Variants in PEX26 observed in about 807,000 individuals in gnomAD.
PEX26 encodes peroxisomal biogenesis factor 26, also known as peroxisome assembly protein 26.
In PEX26, 18 loss-of-function variants were observed where a neutral mutation model predicts 31.4. The ratio of observed to expected loss-of-function variants is 0.57; its 90% CI spans 0.40 to 0.85. PEX26 has a LOEUF of 0.85. Among genes scored for constraint, PEX26 ranks in the 40% least tolerant of loss-of-function variants. PEX26 has a pLI of 0.00. For synonymous variants in PEX26, 176 were observed against 166.9 expected, an observed-to-expected ratio of 1.05 and a Z score of -0.42; for missense variants, 377 against 383.9, an observed-to-expected ratio of 0.98 and a Z score of 0.15.
chr22:18,078,629 A>G, intron 1 of PEX26, 23 bp downstream of exon 1: 1 of 1,585,126 alleles, frequency 6.3e-7, no homozygotes. Flanking sequence ...CTCGGAAATG[A>G]ACCGATTTCC....
At chr22:18,085,082 C>G in intron 3 of PEX26, 30 bp from the exon 4 acceptor site, 1 of 1,613,250 alleles carries the variant, frequency 6.2e-7, no homozygotes. Flanking sequence ...CCATGACATC[C>G]CTGAAGCTGT....
At position 18,079,868 on chromosome 22, in the gene PEX26, T is replaced by C; in HGVS notation, c.231-6T>C. 6.2e-7 allele frequency: 1 copy of C among 1,614,114 alleles called. No individual in the cohort carries two copies. Among genetic ancestry groups the C allele is most frequent in the Non-Finnish European group, 8.5e-7 (1 of 1,180,022 alleles). On this transcript the variant is annotated splice_polypyrimidine_tract_variant and splice_region_variant and intron_variant, in intron 1 of 4. Transcript: ENST00000399744. Reference sequence around the variant, plus strand: ...TTCTAACTGAAATTGGTTTTTCTGCTGACAGCTCATTGGAGGTGAAGTGCT... The same window carrying C: ...TTCTAACTGAAATTGGTTTTTCTGCCGACAGCTCATTGGAGGTGAAGTGCT...
chr22:18,084,938 G>A (rs1237697039), intron 3 of PEX26, among the ~76,000 whole-genome samples, 174 bp from the exon 4 acceptor site: 1 of 151,890 alleles, frequency 6.6e-6, no homozygotes, highest in Admixed American at 6.6e-5. Flanking sequence ...AGCCAGGATG[G>A]TCTCGATCTC....
chr22:18,089,132 T>C lies in PEX26; in HGVS notation c.*1057T>C, dbSNP rs1264193725. ...AGCCCTTCCCTCCCGCCCTGCAAAC[T>C]TGTCCCTTGGCTGTTTCACCAGGTT... On this transcript the variant is annotated 3_prime_UTR_variant, in exon 5 of 5. Transcript: ENST00000399744. 2 of 151,356 alleles carry C rather than the reference T, an allele frequency of 1.3e-5. No individual in the cohort carries two copies. Among genetic ancestry groups the C allele is most frequent in the Non-Finnish European group, 2.9e-5 (2 of 67,938 alleles). 9.4% of individuals were successfully genotyped at this position (151,356 alleles called of 1,614,324 possible).
At chr22:18,083,975 C>T (rs1460205685) in intron 3 of PEX26, among the ~76,000 whole-genome samples, 1 of 152,194 alleles carries the variant, frequency 6.6e-6, no homozygotes. Flanking sequence ...CTTGACTTGT[C>T]TTTTGAAAGT....
rs1225556546 is a variant in PEX26, at chr22:18,093,568, A to AAAAAAAAAAAAAAAAAAAAAAAAAAAAC, written c.*5501_*5502insAAAAAAAAAAAAAAAAAAACAAAAAAAA. 4 of 151,232 alleles carry AAAAAAAAAAAAAAAAAAAAAAAAAAAAC rather than the reference A, an allele frequency of 2.6e-5. No individual in the cohort carries two copies. Among genetic ancestry groups the AAAAAAAAAAAAAAAAAAAAAAAAAAAAC allele is most frequent in the Non-Finnish European group, 5.9e-5 (4 of 67,906 alleles). 9.4% of individuals were successfully genotyped at this position (151,232 alleles called of 1,614,324 possible). On this transcript the variant is annotated 3_prime_UTR_variant, in exon 5 of 5. Transcript: ENST00000399744. ...ACAGAGCAAGACTCCGTCTTAAAAAAAAAAAAAACAAAAATAAACCTTTTA... is the reference window on the plus strand; with the variant it reads ...ACAGAGCAAGACTCCGTCTTAAAAAAAAAAAAAAAAAAAAAAAAAAAAAAAAACAAAAAAAACAAAAATAAACCTTTTA...
At chr22:18,078,638 C>A in intron 1 of PEX26, 32 bp downstream of exon 1, 1 of 1,577,002 alleles carries the variant, frequency 6.3e-7, no homozygotes, top group Non-Finnish European at 8.6e-7. Flanking sequence ...GAACCGATTT[C>A]CGGGCGCTCT....
In PEX26 at chr22:18,083,694, A is replaced by G. The variant is rs758495334; in HGVS notation, c.629A>G (p.His210Arg). ...GCGAGGCAGCAGCAGAAACAGGAAC[A>G]CTCAGGCTCTGAGGAGGCCCAGAAG... Reference protein sequence around the residue: ...HTARQQQKQEHSGSEEAQKPN... With the variant: ...HTARQQQKQERSGSEEAQKPN... Residue 210 changes from histidine to arginine, a missense_variant, in exon 3 of 5, where the codon CAC becomes CGC. Coordinates refer to ENST00000399744, the MANE Select transcript of PEX26 (RefSeq NM_001127649.3). 7 of 1,613,890 alleles carry G rather than the reference A, an allele frequency of 4.3e-6. No homozygotes were observed. Among genetic ancestry groups the G allele is most frequent in the Middle Eastern group, 1.7e-4 (1 of 6,008 alleles).
chr22:18,085,927 G>A (rs899569848), intron 4 of PEX26, among the ~76,000 whole-genome samples: 3 of 152,098 alleles, frequency 2.0e-5, no homozygotes, highest in African/African-American at 4.8e-5. Flanking sequence ...CTACAAAAGT[G>A]TTAATTCAAG....
At chr22:18,080,891 C>T (rs1301906326) in intron 2 of PEX26, among the ~76,000 whole-genome samples, 1 of 152,150 alleles carries the variant, frequency 6.6e-6, no homozygotes, top group East Asian at 1.9e-4. Context: ...TCCTATCCCA[C>T]CGTAACTTTG....
At position 18,103,402 on chromosome 22, in the gene PEX26, A is replaced by G. The variant is rs895466224; in HGVS notation, c.*15327A>G. ...GAGTTGATCACTACACATTCTATGCATGTAATGAAATGTCACATCTACTTC... is the reference window on the plus strand; with the variant it reads ...GAGTTGATCACTACACATTCTATGCGTGTAATGAAATGTCACATCTACTTC... On this transcript the variant is annotated 3_prime_UTR_variant, in exon 5 of 5. Transcript: ENST00000399744. 1 of 152,210 alleles carries G rather than the reference A, an allele frequency of 6.6e-6. No individual in the cohort carries two copies. The highest frequency in any genetic ancestry group is 1.5e-5 in the Non-Finnish European group (1 of 68,048). 9.4% of individuals were successfully genotyped at this position (152,210 alleles called of 1,614,324 possible).
In PEX26 at chr22:18,092,038, C is replaced by T. The variant is rs1024384349; in HGVS notation, c.*3963C>T. 2 of 152,260 alleles carry T rather than the reference C, an allele frequency of 1.3e-5. No individual in the cohort carries two copies. Among genetic ancestry groups the T allele is most frequent in the Admixed American group, 1.3e-4 (2 of 15,282 alleles). 9.4% of individuals were successfully genotyped at this position (152,260 alleles called of 1,614,324 possible). On this transcript the variant is annotated 3_prime_UTR_variant, in exon 5 of 5. Coordinates refer to ENST00000399744, the MANE Select transcript of PEX26 (RefSeq NM_001127649.3). ...AGAAAGCGAAAGTGATGACATGAAC[C>T]GCGAGTAGGGCACCTCCCTGTGCCG...
rs361809 is a variant in PEX26, at chr22:18,104,948, G to A, written c.*16873G>A. On this transcript the variant is annotated 3_prime_UTR_variant, in exon 5 of 5. Coordinates refer to ENST00000399744, the MANE Select transcript of PEX26 (RefSeq NM_001127649.3). ...CAGCATCTGAGACACATGGGTGAATGTATGTAAGGTACTTGGGGCTAACCA... is the reference window on the plus strand; with the variant it reads ...CAGCATCTGAGACACATGGGTGAATATATGTAAGGTACTTGGGGCTAACCA... 61,540 of 152,076 alleles carry A rather than the reference G, an allele frequency of 0.4. 13,335 individuals carry two copies. Among genetic ancestry groups the A allele is most frequent in the East Asian group, 0.62 (3,198 of 5,176 alleles). The allele number at this position is 152,076 out of a possible 1,614,324, so 9.4% of individuals were successfully genotyped here.
In PEX26 at chr22:18,104,883, T is replaced by C. The variant is rs1222612948; in HGVS notation, c.*16808T>C. 6.6e-6 allele frequency: 1 copy of C among 152,168 alleles called. No homozygotes were observed. The highest frequency in any genetic ancestry group is 1.5e-5 in the Non-Finnish European group (1 of 68,048). The allele number at this position is 152,168 out of a possible 1,614,324, so 9.4% of individuals were successfully genotyped here. ...GCGAGCCAATTTGTTTGTGATCCAG[T>C]GGCCAAAATGGTTCACCCTCAACTT... On this transcript the variant is annotated 3_prime_UTR_variant, in exon 5 of 5. Coordinates refer to ENST00000399744, the MANE Select transcript of PEX26 (RefSeq NM_001127649.3).
Position 18,088,225 on chromosome 22 carries a change from C to T in PEX26, c.*150C>T, listed in dbSNP as rs1479958115. Reference sequence around the variant, plus strand: ...GTGTCTTGCTGCCTGGGTGCCCTCTCCTTTGCACCCTACTTCGGCTGGTCG... The same window carrying T: ...GTGTCTTGCTGCCTGGGTGCCCTCTTCTTTGCACCCTACTTCGGCTGGTCG... On this transcript the variant is annotated 3_prime_UTR_variant, in exon 5 of 5. Transcript: ENST00000399744. This position sits in a 1 kb window ranked among gnomAD's most constrained non-coding sequence, Gnocchi z 4.1. The T allele has an allele frequency of 1.4e-6, 1 of 731,898 alleles. No individual in the cohort carries two copies. The highest frequency in any genetic ancestry group is 2.5e-6 in the Non-Finnish European group (1 of 402,238). 45.3% of individuals were successfully genotyped at this position (731,898 alleles called of 1,614,324 possible). A position where few individuals can be genotyped will look rare whatever the true frequency, so the allele number is the denominator to read the frequency against.
intron 4 of PEX26, among the ~76,000 whole-genome samples, chr22:18,087,640 G>A (rs1926895501): frequency 6.6e-6 from 1 of 152,196 alleles, no homozygotes; most frequent in African/African-American, 2.4e-5. Flanking sequence ...GGACATTTGA[G>A]CCTGCTCTTT....
Position 18,086,908 on chromosome 22 carries a change from T to A in PEX26, c.815-1064T>A, listed in dbSNP as rs181029916. Among the ~76,000 whole-genome samples, 80 of 151,750 alleles carry A rather than the reference T, an allele frequency of 5.3e-4. 1 individual carries two copies. Among genetic ancestry groups the A allele is most frequent in the African/African-American group, 1.5e-3 (61 of 41,514 alleles). ...TTTATTTATTTATTTTTATTTTTAT[T>A]TTATTTTATTTATTTAGTTTTTGAT... On this transcript the variant is annotated intron_variant, in intron 4 of 4. Transcript: ENST00000399744.
Position 18,103,889 on chromosome 22 carries a change from G to T in PEX26, c.*15814G>T, listed in dbSNP as rs1927533857. On this transcript the variant is annotated 3_prime_UTR_variant, in exon 5 of 5. Transcript: ENST00000399744. ...ACCAAGGGCTGAGTAGAACAGTTAA[G>T]ACGATAGTAGTTGTTTTCTTTCTGG... 6.6e-6 allele frequency: 1 copy of T among 152,204 alleles called. No individual in the cohort carries two copies. Among genetic ancestry groups the T allele is most frequent in the African/African-American group, 2.4e-5 (1 of 41,436 alleles). 9.4% of individuals were successfully genotyped at this position (152,204 alleles called of 1,614,324 possible).
Position 18,089,794 on chromosome 22 carries a change from C to G in PEX26, c.*1719C>G, listed in dbSNP as rs892866843. 1 of 152,188 alleles carries G rather than the reference C, an allele frequency of 6.6e-6. No individual in the cohort carries two copies. Among genetic ancestry groups the G allele is most frequent in the Non-Finnish European group, 1.5e-5 (1 of 68,070 alleles). 9.4% of individuals were successfully genotyped at this position (152,188 alleles called of 1,614,324 possible). ...TCAGCTCACTGCAAGCTCCGCCTCC[C>G]GGGTTCATGCCATTCTCCTGCCTCA... On this transcript the variant is annotated 3_prime_UTR_variant, in exon 5 of 5. Coordinates refer to ENST00000399744, the MANE Select transcript of PEX26 (RefSeq NM_001127649.3).
Sources: allele counts gnomAD v4.1 joint callset (sites outside exome capture counted in the v4.1 genomes callset), GRCh38; gene constraint gnomAD v4.1.1; non-coding constraint Gnocchi (gnomAD v3.1); transcripts MANE v1.5; gene names NCBI Gene and HGNC (gene_info 2026-07-23, HGNC 2026-07-21).